The following ARHGAP6 variants were observed in gnomAD, a reference collection of about 807,000 sequenced individuals.
ARHGAP6 encodes the protein Rho GTPase activating protein 6.
A neutral mutation model predicts 55.7 loss-of-function variants in ARHGAP6; 16 were observed. That is an observed-to-expected ratio of 0.29 (90% CI 0.19 to 0.44). The LOEUF is 0.44. ARHGAP6 is among the 20% of genes least tolerant of loss of function. ARHGAP6 has a pLI of 1.00. For missense variants in ARHGAP6, 698 were observed against 808.9 expected, an observed-to-expected ratio of 0.86 and a Z score of 1.66; for synonymous variants, 382 against 360.9, an observed-to-expected ratio of 1.06 and a Z score of -0.66.
chrX:11,436,381 G>A (rs768169255), intron 1 of ARHGAP6, among the ~76,000 whole-genome samples: 16 of 112,444 alleles, frequency 1.4e-4, no homozygotes, highest in Admixed American at 1.9e-4. Context: ...ACATAAAGAT[G>A]ATGAATAATT....
Position 11,646,544 on chromosome X carries a change from G to A in ARHGAP6, c.588+17697C>T, listed in dbSNP as rs145139479. On this transcript the variant is annotated intron_variant, in intron 1 of 12. Coordinates refer to ENST00000337414, the MANE Select transcript of ARHGAP6 (RefSeq NM_013427.3). Reference sequence around the variant, plus strand: ...AAGGTTTAGAGAAAGAACTGGTTGCGGTTTGTATATTCATGTATTTACTTT... The same window carrying A: ...AAGGTTTAGAGAAAGAACTGGTTGCAGTTTGTATATTCATGTATTTACTTT... 1.1e-3 allele frequency among the ~76,000 whole-genome samples: 127 copies of A among 111,905 alleles called. 2 individuals are homozygous for A. The highest frequency in any genetic ancestry group is 8.8e-3 in the East Asian group (31 of 3,530).
rs1269559828 is a variant in ARHGAP6, at chrX:11,514,032, C to T, written c.588+150209G>A. On this transcript the variant is annotated intron_variant, in intron 1 of 12. Coordinates refer to ENST00000337414, the MANE Select transcript of ARHGAP6 (RefSeq NM_013427.3). ...CAAAAAATAGCCAGGGGTGGTGACA[C>T]ATGCCTGTAGTCCCAGCTACTCAGG... Among the ~76,000 whole-genome samples, 32 of 108,510 alleles carry T rather than the reference C, an allele frequency of 2.9e-4. No individual in the cohort carries two copies. In the Admixed American group the frequency reaches 3.0e-3, roughly 10 times the overall value. The allele number at this position is 108,510 out of a possible 115,157, so 94.2% of individuals were successfully genotyped here. A position where few individuals can be genotyped will look rare whatever the true frequency, so the allele number is the denominator to read the frequency against.
intron 1 of ARHGAP6, among the ~76,000 whole-genome samples, chrX:11,554,218 C>T (rs902009608): frequency 9.0e-6 from 1 of 111,710 alleles, no homozygotes; most frequent in African/African-American, 3.3e-5. Flanking sequence ...CACATGTTCT[C>T]ACTCACATGT....
intron 1 of ARHGAP6, among the ~76,000 whole-genome samples, chrX:11,526,921 T>C (rs1167961415): frequency 1.8e-5 from 2 of 110,505 alleles, no homozygotes; most frequent in Non-Finnish European, 3.8e-5. Flanking sequence ...AGGAGAGGTG[T>C]CCATAATTTA....
intron 1 of ARHGAP6, among the ~76,000 whole-genome samples, chrX:11,638,629 C>T (rs1012140340): frequency 1.2e-4 from 13 of 111,073 alleles, no homozygotes; most frequent in African/African-American, 3.6e-4. Context: ...ATTATTACCA[C>T]CCCTCCATAT....
intron 1 of ARHGAP6, among the ~76,000 whole-genome samples, chrX:11,468,813 G>A (rs926240848): frequency 3.6e-5 from 4 of 112,599 alleles, no homozygotes; most frequent in Admixed American, 1.9e-4. Context: ...AAGGTACTAT[G>A]CAATGAATGT....
intron 1 of ARHGAP6, among the ~76,000 whole-genome samples, chrX:11,416,861 G>A (rs1051136602): frequency 3.7e-5 from 4 of 107,805 alleles, no homozygotes; most frequent in Non-Finnish European, 7.7e-5. Flanking sequence ...CGCGGTTGTC[G>A]GTCCAGAAAT....
At chrX:11,650,017 C>G (rs1484361387) in intron 1 of ARHGAP6, among the ~76,000 whole-genome samples, 1 of 88,524 alleles carries the variant, frequency 1.1e-5, no homozygotes, top group Admixed American at 1.4e-4. Context: ...TTTCCTAAGA[C>G]AGAGTCACAC....
At chrX:11,658,867 T>TTG (rs1456335454) in intron 1 of ARHGAP6, among the ~76,000 whole-genome samples, 1 of 109,422 alleles carries the variant, frequency 9.1e-6, no homozygotes, top group Non-Finnish European at 1.9e-5. Context: ...GTGGGGGCTG[T>TTG]TGTGTGTGTT....
At chrX:11,626,165 A>C (rs1228522608) in intron 1 of ARHGAP6, among the ~76,000 whole-genome samples, 1 of 112,064 alleles carries the variant, frequency 8.9e-6, no homozygotes, top group Non-Finnish European at 1.9e-5. Flanking sequence ...AAATACAATA[A>C]AATCTTAAAT....
At chrX:11,204,155 AC>A (rs1442164346) in intron 2 of ARHGAP6, among the ~76,000 whole-genome samples, 15 of 112,354 alleles carry the variant, frequency 1.3e-4, no homozygotes, top group African/African-American at 4.5e-4. Flanking sequence ...GAGAACTGAA[AC>A]TATTACTTGA....
intron 2 of ARHGAP6, among the ~76,000 whole-genome samples, chrX:11,199,079 C>G (rs940151522): frequency 8.9e-6 from 1 of 112,364 alleles, no homozygotes; most frequent in African/African-American, 3.2e-5. Flanking sequence ...TTCACCAACA[C>G]TTCATGAGAT....
intron 2 of ARHGAP6, among the ~76,000 whole-genome samples, chrX:11,254,067 T>A (rs915590288): frequency 1.8e-5 from 2 of 111,607 alleles, no homozygotes; most frequent in Non-Finnish European, 3.8e-5. Context: ...CAGTGCAACA[T>A]ACAACACACC....
At chrX:11,500,613 C>A (rs1455555715) in intron 1 of ARHGAP6, among the ~76,000 whole-genome samples, 2 of 99,726 alleles carry the variant, frequency 2.0e-5, no homozygotes, top group Non-Finnish European at 4.0e-5. Context: ...GTTAGCCGAG[C>A]CGAGATGGCA....
intron 1 of ARHGAP6, among the ~76,000 whole-genome samples, chrX:11,359,144 T>C (rs1000710391): frequency 4.5e-5 from 5 of 111,982 alleles, no homozygotes; most frequent in African/African-American, 1.6e-4. Context: ...GTATTACAAA[T>C]AATTTCTTCC....
chrX:11,462,302 G>C (rs944780612), intron 1 of ARHGAP6, among the ~76,000 whole-genome samples: 1 of 111,743 alleles, frequency 8.9e-6, no homozygotes, highest in African/African-American at 3.3e-5. Context: ...TGGGTCGAAG[G>C]GAACTGCCTC....
intron 1 of ARHGAP6, among the ~76,000 whole-genome samples, chrX:11,389,229 T>C (rs1368933712): frequency 8.9e-6 from 1 of 112,218 alleles, no homozygotes; most frequent in Non-Finnish European, 1.9e-5. Context: ...GATCCTGCTC[T>C]AGATAGTAAG....
chrX:11,584,037 T>C (rs1013984616), intron 1 of ARHGAP6, among the ~76,000 whole-genome samples: 3 of 111,840 alleles, frequency 2.7e-5, no homozygotes, highest in Non-Finnish European at 5.6e-5. Flanking sequence ...TGCCAAAGTG[T>C]TATTATAAAC....
chrX:11,491,303 G>C (rs1008214188), intron 1 of ARHGAP6, among the ~76,000 whole-genome samples: 2 of 111,240 alleles, frequency 1.8e-5, no homozygotes, highest in Non-Finnish European at 3.8e-5. Context: ...ATGCTGGCGT[G>C]CTGCACCCAT....
Sources: allele counts gnomAD v4.1 joint callset (sites outside exome capture counted in the v4.1 genomes callset), GRCh38; gene constraint gnomAD v4.1.1; transcripts MANE v1.5; gene names NCBI Gene and HGNC (gene_info 2026-07-23, HGNC 2026-07-21).